Variants in FAM53A observed in about 807,000 individuals in gnomAD.
FAM53A encodes family with sequence similarity 53 member A.
FAM53A carries 28 observed loss-of-function variants against 26.6 expected under a neutral mutation model. The ratio of observed to expected loss-of-function variants is 1.05; its 90% CI spans 0.78 to 1.45. FAM53A has a LOEUF of 1.45. FAM53A is among the 40% of genes most tolerant of loss of function. The pLI is 0.00. For synonymous variants in FAM53A, 290 were observed against 253.1 expected (o/e 1.15, Z -1.38); for missense variants, 650 against 575.8 (o/e 1.13, Z -1.32).
intron 2 of FAM53A, among the ~76,000 whole-genome samples, chr4:1,667,274 G>T (rs1714307036): frequency 6.6e-6 from 1 of 152,120 alleles, no homozygotes; most frequent in Non-Finnish European, 1.5e-5. Flanking sequence ...ACTCCAGCAT[G>T]GATGACAAAG....
At chr4:1,625,646 G>C (rs55782240) in intron 1 of FAM53A, among the ~76,000 whole-genome samples, 48 of 110,520 alleles carry the variant, frequency 4.3e-4, no homozygotes, top group South Asian at 1.4e-3. Flanking sequence ...TGATCAGAAG[G>C]CCCCACGTCC....
downstream of FAM53A, among the ~76,000 whole-genome samples, chr4:1,615,421 G>GCACA: frequency 9.6e-6 from 1 of 104,500 alleles, no homozygotes; most frequent in Admixed American, 1.1e-4. Flanking sequence ...GGGCACACAT[G>GCACA]GAAGACAGGA....
chr4:1,632,487 A>C (rs990091381), intron 1 of FAM53A, among the ~76,000 whole-genome samples: 1 of 152,148 alleles, frequency 6.6e-6, no homozygotes, highest in Non-Finnish European at 1.5e-5. Flanking sequence ...ATGGACCCCC[A>C]AGAAGACCGA....
Position 1,668,648 on chromosome 4 carries a change from G to A in FAM53A, c.75+19C>T. ...ACGGGGGAGGGGCACCCAGCCTGGT[G>A]CCACCTGCAGCTGCTTACCGGGCCA... On this transcript the variant is annotated intron_variant, in intron 2 of 4. Coordinates refer to ENST00000308132, the MANE Select transcript of FAM53A (RefSeq NM_001174070.3). The A allele has an allele frequency of 6.2e-7, 1 of 1,613,812 alleles. No individual in the cohort carries two copies. Among genetic ancestry groups the A allele is most frequent in the Non-Finnish European group, 8.5e-7 (1 of 1,179,934 alleles).
At chr4:1,605,525 G>A in the FAM53A span, among the ~76,000 whole-genome samples, 3 of 152,306 alleles carry the variant, frequency 2.0e-5, no homozygotes, top group South Asian at 2.1e-4. The surrounding 1 kb of genome is among the most constrained non-coding windows in gnomAD (Gnocchi z 5.7). Context: ...GGGAGGGGAC[G>A]ACGCGCAACC....
chr4:1,635,193 T>C (rs185652439), downstream of FAM53A, among the ~76,000 whole-genome samples: 5 of 152,348 alleles, frequency 3.3e-5, no homozygotes, highest in Admixed American at 2.6e-4. Flanking sequence ...TAAAAGACTT[T>C]TGCCAGTTAT....
intron 4 of FAM53A, among the ~76,000 whole-genome samples, chr4:1,645,644 G>C (rs985163702): frequency 3.3e-5 from 5 of 152,352 alleles, no homozygotes; most frequent in Middle Eastern, 3.4e-3. Flanking sequence ...GGATGGGACA[G>C]CCAGTGCCCA....
At chr4:1,578,476 T>A in the FAM53A span, among the ~76,000 whole-genome samples, 2 of 151,540 alleles carry the variant, frequency 1.3e-5, no homozygotes, top group Non-Finnish European at 2.9e-5. Context: ...CGGTGTGGCC[T>A]GGAAGCTCTG....
the FAM53A span, among the ~76,000 whole-genome samples, chr4:1,579,395 G>C: frequency 3.3e-5 from 5 of 151,788 alleles, no homozygotes; most frequent in Non-Finnish European, 7.4e-5. Context: ...ATGGGGACCG[G>C]CATGTCAAGC....
At chr4:1,633,921 C>T (rs925579875) in intron 1 of FAM53A, among the ~76,000 whole-genome samples, 1 of 152,138 alleles carries the variant, frequency 6.6e-6, no homozygotes, top group Non-Finnish European at 1.5e-5. Context: ...GGCTACAGGA[C>T]CTCACTTCCT....
chr4:1,645,763 G>A (rs913607479), intron 4 of FAM53A, among the ~76,000 whole-genome samples: 1 of 152,234 alleles, frequency 6.6e-6, no homozygotes, highest in African/African-American at 2.4e-5. Flanking sequence ...TGGAGAGAAG[G>A]TCTGAGAAAA....
chr4:1,591,809 C>T, the FAM53A span, among the ~76,000 whole-genome samples: 1 of 152,168 alleles, frequency 6.6e-6, no homozygotes, highest in South Asian at 2.1e-4. Flanking sequence ...CCCCAGAGGG[C>T]CGCAGGAGGT....
upstream of FAM53A, among the ~76,000 whole-genome samples, chr4:1,684,969 C>T (rs1293855824): frequency 6.6e-6 from 1 of 152,086 alleles, no homozygotes; most frequent in South Asian, 2.1e-4. Flanking sequence ...GAGCACCCTG[C>T]AGAGGAGAGG....
the FAM53A span, among the ~76,000 whole-genome samples, chr4:1,591,582 T>C: frequency 6.6e-6 from 1 of 152,166 alleles, no homozygotes; most frequent in South Asian, 2.1e-4. Context: ...GCACATCAAA[T>C]ACCCTAGTTC....
chr4:1,642,557 G>A (rs763236424), intron 4 of FAM53A, among the ~76,000 whole-genome samples: 22 of 152,232 alleles, frequency 1.4e-4, no homozygotes, highest in Non-Finnish European at 2.6e-4. Context: ...ATCCACCCAG[G>A]CGTGCTCTCT....
At position 1,640,723 on chromosome 4, in the gene FAM53A, G is replaced by A. The variant is rs1164843511; in HGVS notation, c.*570C>T. 41 of 341,470 alleles carry A rather than the reference G, an allele frequency of 1.2e-4. 2 individuals carry two copies. The highest frequency in any genetic ancestry group is 4.5e-4 in the South Asian group (21 of 46,688). The allele number at this position is 341,470 out of a possible 1,614,324, so 21.2% of individuals were successfully genotyped here. On this transcript the variant is annotated 3_prime_UTR_variant, in exon 5 of 5. Coordinates refer to ENST00000308132, the MANE Select transcript of FAM53A (RefSeq NM_001174070.3). ...CAGTGCAGGCGGCAGCCGTGGCCCC[G>A]ACCAACTCACAGGAAACCTACTCTG... is the stretch of plus-strand genomic sequence containing the variant.
chr4:1,588,439 G>C, the FAM53A span, among the ~76,000 whole-genome samples: 4 of 152,148 alleles, frequency 2.6e-5, no homozygotes, highest in African/African-American at 9.7e-5. Context: ...CGTGACTGCC[G>C]AGAACTGGAC....
At chr4:1,606,541 G>A in the FAM53A span, among the ~76,000 whole-genome samples, 1 of 152,180 alleles carries the variant, frequency 6.6e-6, no homozygotes, top group East Asian at 1.9e-4. Flanking sequence ...TGTGTGAGGT[G>A]TGTGTCCTGC....
chr4:1,679,456 C>T (rs969229490), intron 1 of FAM53A, among the ~76,000 whole-genome samples: 2 of 145,218 alleles, frequency 1.4e-5, no homozygotes, highest in African/African-American at 2.6e-5. Flanking sequence ...GAGGCCAAGG[C>T]GGGTGGATCA....
Sources: allele counts gnomAD v4.1 joint callset (sites outside exome capture counted in the v4.1 genomes callset), GRCh38; gene constraint gnomAD v4.1.1; non-coding constraint Gnocchi (gnomAD v3.1); transcripts MANE v1.5; gene names NCBI Gene and HGNC (gene_info 2026-07-23, HGNC 2026-07-21).